The following C11orf65 variants were observed in gnomAD, a reference collection of about 807,000 sequenced individuals.
C11orf65 encodes protein MFI.
In C11orf65, 38 loss-of-function variants were observed where a neutral mutation model predicts 35.3. The ratio of observed to expected loss-of-function variants is 1.08; its 90% CI spans 0.83 to 1.41. C11orf65 has a LOEUF of 1.41. Among genes scored for constraint, C11orf65 ranks in the 40% most tolerant of loss-of-function variants. C11orf65 has a pLI of 0.00. For missense variants in C11orf65, 370 were observed against 367.1 expected (o/e 1.01, Z -0.06); for synonymous variants, 105 against 114.4 (o/e 0.92, Z 0.53).
rs534580692 is a variant in C11orf65, at chr11:108,452,694, T to C, written c.81+8785A>G. Among the ~76,000 whole-genome samples, 64 of 152,262 alleles carry C rather than the reference T, an allele frequency of 4.2e-4. 2 individuals are homozygous for C. The South Asian group carries it at 0.013, about 31-fold the overall frequency. The stretch of plus-strand genomic sequence containing the variant: ...TAAATCATGCTGCTATAAAGACACA[T>C]GCACACGTATGTTTACTGCAGCACT... On this transcript the variant is annotated intron_variant, in intron 2 of 8. Coordinates refer to ENST00000393084, the MANE Select transcript of C11orf65 (RefSeq NM_152587.5).
intron 7 of C11orf65, 117 bp downstream of exon 7, chr11:108,393,091 G>GTTTTTTTTTTTTTTT: frequency 1.9e-6 from 2 of 1,026,092 alleles, no homozygotes; most frequent in Non-Finnish European, 1.4e-6. Context: ...AGATACTCGG[G>GTTTTTTTTTTTTTTT]TTTTTTTTTT....
intron 2 of C11orf65, chr11:108,353,978 G>A (rs2089546038): frequency 2.6e-6 from 3 of 1,172,066 alleles, no homozygotes; most frequent in Non-Finnish European, 1.3e-6. Flanking sequence ...CTGCTCAAGA[G>A]GCTGAAGTGG....
chr11:108,369,200 T>C (rs1362066808), intron 2 of C11orf65: 2 of 155,246 alleles, frequency 1.3e-5, no homozygotes, highest in African/African-American at 4.8e-5. Flanking sequence ...GCAGGCATAG[T>C]CTGCCTATAT....
chr11:108,363,532 T>C lies in C11orf65; in HGVS notation c.227-28240A>G, dbSNP rs188194923. ...GCAATGTCTGGAGGCATTTTTATTG[T>C]CACAATTGGGGATGGGAGATGAGGA... On this transcript the variant is annotated intron_variant, in intron 2 of 3. Transcript: ENST00000524755. Among the ~76,000 whole-genome samples, 274 of 152,288 alleles carry C rather than the reference T, an allele frequency of 1.8e-3. 2 individuals carry two copies. Among genetic ancestry groups the C allele is most frequent in the African/African-American group, 6.4e-3 (264 of 41,548 alleles).
intron 6 of C11orf65, among the ~76,000 whole-genome samples, chr11:108,312,005 C>T (rs1276186415): frequency 6.6e-6 from 1 of 152,052 alleles, no homozygotes; most frequent in African/African-American, 2.4e-5. Flanking sequence ...TATCAGATGT[C>T]TTAAATTTAT....
At chr11:108,460,821 G>A (rs752366470) in intron 2 of C11orf65, among the ~76,000 whole-genome samples, 31 of 152,050 alleles carry the variant, frequency 2.0e-4, no homozygotes, top group Non-Finnish European at 3.4e-4. Context: ...CGCCTCCCAA[G>A]TTCAAGTGAT....
chr11:108,378,053 T>C (rs1241168864), downstream of C11orf65, among the ~76,000 whole-genome samples: 7 of 151,418 alleles, frequency 4.6e-5, no homozygotes, highest in East Asian at 7.8e-4. Context: ...ATGGCCATAC[T>C]GCCCAAGGTA....
chr11:108,461,709 C>T (rs1226152943), intron 1 of C11orf65, 141 bp from the exon 2 acceptor site: 12 of 556,442 alleles, frequency 2.2e-5, no homozygotes, highest in Non-Finnish European at 3.5e-5. Context: ...CTCACTGTAG[C>T]CTCAAACTGC....
At chr11:108,439,151 T>C (rs1018693182) in intron 2 of C11orf65, among the ~76,000 whole-genome samples, 11 of 151,870 alleles carry the variant, frequency 7.2e-5, no homozygotes, top group African/African-American at 2.4e-4. Context: ...GCAAAACAAC[T>C]CAATGTAAAA....
intron 2 of C11orf65, among the ~76,000 whole-genome samples, chr11:108,457,381 C>T (rs2093421338): frequency 6.6e-6 from 1 of 152,164 alleles, no homozygotes; most frequent in Non-Finnish European, 1.5e-5. Flanking sequence ...CGGTGGCTCA[C>T]ACCTGTAATC....
chr11:108,320,499 A>G (rs952574343), intron 6 of C11orf65, among the ~76,000 whole-genome samples: 1 of 152,250 alleles, frequency 6.6e-6, no homozygotes, highest in Non-Finnish European at 1.5e-5. Flanking sequence ...TGACTTAATA[A>G]ATCCTATGTT....
At chr11:108,309,022 A>C in exon 7 of C11orf65, 1 of 1,528,132 alleles carries the variant, frequency 6.5e-7, no homozygotes, top group Non-Finnish European at 8.8e-7. Flanking sequence ...GAGAAGATAA[A>C]AATTCTTCAT....
At position 108,325,308 on chromosome 11, in the gene C11orf65, A is replaced by C. The variant is rs751168951; in HGVS notation, c.641-16237T>G. ...ACATGAACTCTATGTCGTGGCATTCAGATCAGTCACACATAGACAACTCTC... is the reference window on the plus strand; with the variant it reads ...ACATGAACTCTATGTCGTGGCATTCCGATCAGTCACACATAGACAACTCTC... On this transcript the variant is annotated intron_variant, in intron 6 of 6. Coordinates refer to the C11orf65 transcript ENST00000525729. 6.6e-7 allele frequency: 1 copy of C among 1,521,934 alleles called. No individual in the cohort carries two copies. 94.3% of individuals were successfully genotyped at this position (1,521,934 alleles called of 1,614,324 possible). A position where few individuals can be genotyped will look rare whatever the true frequency, so the allele number is the denominator to read the frequency against.
At chr11:108,380,937 T>G (rs2091854721), downstream of C11orf65, among the ~76,000 whole-genome samples, 1 of 152,166 alleles carries the variant, frequency 6.6e-6, no homozygotes, top group East Asian at 1.9e-4. Context: ...AGGGACCAAT[T>G]TTACAGTAAA....
At chr11:108,402,355 G>A (rs2092454118) in intron 6 of C11orf65, among the ~76,000 whole-genome samples, 1 of 152,148 alleles carries the variant, frequency 6.6e-6, no homozygotes, top group Non-Finnish European at 1.5e-5. Context: ...CCAGGCCTCA[G>A]AGTTCTACTT....
At chr11:108,454,602 T>G (rs2093390997) in intron 2 of C11orf65, among the ~76,000 whole-genome samples, 1 of 151,880 alleles carries the variant, frequency 6.6e-6, no homozygotes, top group African/African-American at 2.4e-5. Flanking sequence ...CAGGCCTACT[T>G]TTACATTTTT....
At chr11:108,457,652 A>T (rs576663508) in intron 2 of C11orf65, among the ~76,000 whole-genome samples, 1 of 152,316 alleles carries the variant, frequency 6.6e-6, no homozygotes, top group South Asian at 2.1e-4. Context: ...CAAAAAAAGA[A>T]AGTTAAAAAC....
chr11:108,394,102 C>T (rs2092243764), intron 6 of C11orf65, among the ~76,000 whole-genome samples: 1 of 150,384 alleles, frequency 6.6e-6, no homozygotes, highest in South Asian at 2.1e-4. Context: ...ATCGCTAGAA[C>T]CTGGGAGGTG....
chr11:108,430,127 CTTTT>C (rs34005627), intron 3 of C11orf65, among the ~76,000 whole-genome samples: 4 of 113,424 alleles, frequency 3.5e-5, no homozygotes, highest in Admixed American at 9.9e-5. Context: ...GAACTGTATT[CTTTT>C]TTTTTTTTTT....
Sources: gnomAD v4.1 joint callset for allele counts (sites outside exome capture counted in the v4.1 genomes callset) on GRCh38, gnomAD v4.1.1 for gene constraint, MANE v1.5 for transcripts, NCBI Gene and HGNC (gene_info 2026-07-23, HGNC 2026-07-21) for gene names.